Variants in MIPOL1 observed in about 807,000 individuals in gnomAD.
MIPOL1 encodes mirror-image polydactyly gene 1 protein.
Under a neutral mutation model 60.9 loss-of-function variants are expected in MIPOL1, and 57 were observed. The ratio of observed to expected loss-of-function variants is 0.94; its 90% confidence interval spans 0.76 to 1.17. The LOEUF is 1.17. Ranked by LOEUF, MIPOL1 falls within the 50% of genes most tolerant of loss-of-function variation. The pLI is 0.00. For synonymous variants in MIPOL1, 179 were observed against 168.8 expected (o/e 1.06, Z -0.47); for missense variants, 551 against 511.6 (o/e 1.08, Z -0.74).
intron 10 of MIPOL1, among the ~76,000 whole-genome samples, chr14:37,382,832 C>CA (rs1045201757): frequency 6.6e-6 from 1 of 151,516 alleles, no homozygotes; most frequent in African/African-American, 2.4e-5. Flanking sequence ...TTAACTGAAA[C>CA]AAAAAAAGGC....
At chr14:37,373,990 A>T (rs7145350) in intron 10 of MIPOL1, among the ~76,000 whole-genome samples, 12,951 of 152,044 alleles carry the variant, frequency 0.085, 840 homozygotes, top group East Asian at 0.31. Flanking sequence ...ACTAATTTAC[A>T]CTCCCACCAA....
chr14:37,244,006 A>G (rs1172374608), intron 1 of MIPOL1, among the ~76,000 whole-genome samples: 1 of 151,364 alleles, frequency 6.6e-6, no homozygotes, highest in Non-Finnish European at 1.5e-5. Context: ...AAACTTTATC[A>G]GATATATTGA....
intron 9 of MIPOL1, among the ~76,000 whole-genome samples, chr14:37,367,338 A>G (rs1286419699): frequency 6.6e-6 from 1 of 152,112 alleles, no homozygotes; most frequent in East Asian, 1.9e-4. Flanking sequence ...AAATTTAAAT[A>G]AACATTTAAT....
At chr14:37,407,310 C>CCTTTCTATATAA in intron 10 of MIPOL1, among the ~76,000 whole-genome samples, 1 of 152,038 alleles carries the variant, frequency 6.6e-6, no homozygotes, top group South Asian at 2.1e-4. Context: ...CTGCCACTGA[C>CCTTTCTATATAA]CTTTCTATAT....
intron 7 of MIPOL1, among the ~76,000 whole-genome samples, chr14:37,288,608 A>G (rs1361730785): frequency 6.6e-6 from 1 of 152,080 alleles, no homozygotes; most frequent in East Asian, 1.9e-4. Flanking sequence ...GTTCAAGACC[A>G]TTGTGGGCAA....
At position 37,325,106 on chromosome 14, in the gene MIPOL1, A is replaced by G. The variant is rs114163178; in HGVS notation, c.828+16587A>G. On this transcript the variant is annotated intron_variant, in intron 9 of 12. Transcript: ENST00000684589. The stretch of plus-strand genomic sequence containing the variant: ...TTATGATTGGCATTGTGTTGAATCT[A>G]TAGATCATTGGAACAGAGGGAGACT... 5.9e-3 allele frequency among the ~76,000 whole-genome samples: 892 copies of G among 152,244 alleles called. 12 individuals are homozygous for G. The highest frequency in any genetic ancestry group is 0.02 in the African/African-American group (823 of 41,564).
intron 1 of MIPOL1, among the ~76,000 whole-genome samples, chr14:37,201,813 A>G (rs1965387043): frequency 6.6e-6 from 1 of 152,146 alleles, no homozygotes; most frequent in Admixed American, 6.6e-5. Context: ...TTTAGCTAAC[A>G]CTTTCTAGGT....
intron 9 of MIPOL1, among the ~76,000 whole-genome samples, chr14:37,364,466 C>T: frequency 6.6e-6 from 1 of 152,142 alleles, no homozygotes; most frequent in Middle Eastern, 3.2e-3. Flanking sequence ...TTTCCCAGCA[C>T]CATTTATTGA....
chr14:37,229,862 A>C (rs1291026412), intron 1 of MIPOL1, among the ~76,000 whole-genome samples: 1 of 152,210 alleles, frequency 6.6e-6, no homozygotes, highest in Non-Finnish European at 1.5e-5. Flanking sequence ...TGTAGAATCT[A>C]AAAAAGTTGG....
intron 9 of MIPOL1, among the ~76,000 whole-genome samples, chr14:37,338,081 A>G (rs1359957030): frequency 1.3e-5 from 2 of 150,310 alleles, no homozygotes; most frequent in Non-Finnish European, 3.0e-5. Context: ...TTTGCATATG[A>G]CAGTGGCTTT....
chr14:37,443,978 A>G (rs1387390386), intron 11 of MIPOL1, among the ~76,000 whole-genome samples: 1 of 152,198 alleles, frequency 6.6e-6, no homozygotes, highest in Non-Finnish European at 1.5e-5. Context: ...TGACTGATAA[A>G]GAACATCAGG....
intron 7 of MIPOL1, among the ~76,000 whole-genome samples, chr14:37,295,577 C>T (rs578210163): frequency 2.0e-5 from 3 of 152,160 alleles, no homozygotes; most frequent in African/African-American, 7.2e-5. Context: ...TGCAGAGACA[C>T]ACATAGGCTC....
At chr14:37,416,723 C>G (rs1355331746) in intron 10 of MIPOL1, among the ~76,000 whole-genome samples, 2 of 152,120 alleles carry the variant, frequency 1.3e-5, no homozygotes, top group Admixed American at 1.3e-4. Context: ...CCTTGGTCAA[C>G]AAGACTTTCT....
intron 11 of MIPOL1, among the ~76,000 whole-genome samples, chr14:37,487,859 T>A (rs1287084477): frequency 6.6e-6 from 1 of 152,204 alleles, no homozygotes; most frequent in East Asian, 1.9e-4. Flanking sequence ...CTTAGTTATT[T>A]CTTGCCTTGT....
intron 9 of MIPOL1, among the ~76,000 whole-genome samples, chr14:37,318,804 T>TTAGTTAG (rs2088221619): frequency 3.3e-5 from 2 of 61,064 alleles, no homozygotes; most frequent in Non-Finnish European, 7.5e-5. Flanking sequence ...TATTTATTTA[T>TTAGTTAG]TTATTTATTT....
chr14:37,439,325 G>A (rs1197241790), intron 11 of MIPOL1, among the ~76,000 whole-genome samples: 1 of 152,120 alleles, frequency 6.6e-6, no homozygotes, highest in Non-Finnish European at 1.5e-5. Flanking sequence ...ATTCTAGCCT[G>A]GAAGAACAGA....
chr14:37,400,151 A>C (rs1449752178), intron 10 of MIPOL1: 1 of 152,092 alleles, frequency 6.6e-6, no homozygotes, highest in African/African-American at 2.4e-5. Flanking sequence ...GGAAGATAGG[A>C]AAGACTGACT....
At chr14:37,325,008 A>G (rs2088996076) in intron 9 of MIPOL1, among the ~76,000 whole-genome samples, 1 of 152,090 alleles carries the variant, frequency 6.6e-6, no homozygotes, top group African/African-American at 2.4e-5. Flanking sequence ...TGTTTTGGTT[A>G]TTCTAGGTTT....
chr14:37,388,780 T>C (rs1352237996), intron 10 of MIPOL1, among the ~76,000 whole-genome samples: 1 of 152,108 alleles, frequency 6.6e-6, no homozygotes, highest in African/African-American at 2.4e-5. Flanking sequence ...TTCAACATGA[T>C]GATTTTGAGA....
Sources: allele counts gnomAD v4.1 joint callset (sites outside exome capture counted in the v4.1 genomes callset), GRCh38; gene constraint gnomAD v4.1.1; transcripts MANE v1.5; gene names NCBI Gene and HGNC (gene_info 2026-07-23, HGNC 2026-07-21).